The following CD48 variants were observed in gnomAD, a reference collection of about 807,000 sequenced individuals.
The protein encoded by CD48 is CD48 molecule.
Under a neutral mutation model 22.0 loss-of-function variants are expected in CD48, and 20 were observed. That is an observed-to-expected ratio of 0.91 (90% CI 0.64 to 1.32). CD48 has a LOEUF of 1.32. Ranked by LOEUF, CD48 falls within the 40% of genes most tolerant of loss-of-function variation. CD48 has a pLI of 0.00. For missense variants in CD48, 307 were observed against 286.5 expected (o/e 1.07, Z -0.52); for synonymous variants, 110 against 110.1 (o/e 1.00, Z 0.01).
intron 2 of CD48, chr1:160,684,334 C>T: frequency 6.2e-6 from 1 of 162,230 alleles, no homozygotes; most frequent in Non-Finnish European, 1.3e-5. Flanking sequence ...TTTTTCAAGG[C>T]TGCACAGCTA....
chr1:160,703,771 A>G (rs1433591582), intron 1 of CD48, among the ~76,000 whole-genome samples: 1 of 152,156 alleles, frequency 6.6e-6, no homozygotes, highest in East Asian at 1.9e-4. Flanking sequence ...ACATCTGAGT[A>G]AAGACTTGGA....
intron 1 of CD48, among the ~76,000 whole-genome samples, chr1:160,688,288 T>C (rs1037220319): frequency 1.3e-5 from 2 of 152,192 alleles, no homozygotes; most frequent in Non-Finnish European, 2.9e-5. Flanking sequence ...AACAAATCTC[T>C]TAGATCTTTT....
At chr1:160,687,069 T>G (rs1420429535) in intron 1 of CD48, among the ~76,000 whole-genome samples, 4 of 152,140 alleles carry the variant, frequency 2.6e-5, no homozygotes, top group African/African-American at 9.7e-5. Context: ...CAGGAGCACC[T>G]GGGGGTGCTG....
At chr1:160,686,919 C>T (rs1322259400) in intron 1 of CD48, among the ~76,000 whole-genome samples, 1 of 152,158 alleles carries the variant, frequency 6.6e-6, no homozygotes, top group Non-Finnish European at 1.5e-5. Context: ...TCATTGATAA[C>T]ATCTTATCAG....
intron 2 of CD48, 90 bp downstream of exon 2, chr1:160,684,797 C>G (rs371865169): frequency 3.1e-6 from 5 of 1,613,638 alleles, no homozygotes; most frequent in South Asian, 1.1e-5. Flanking sequence ...TCCTCCTCCC[C>G]GAGAGTGCCC....
intron 1 of CD48, among the ~76,000 whole-genome samples, chr1:160,698,316 G>A (rs539062327): frequency 3.3e-4 from 50 of 152,252 alleles, no homozygotes; most frequent in Non-Finnish European, 5.3e-4. Context: ...TCCACGGACC[G>A]ACCGTGGGAG....
At position 160,710,774 on chromosome 1, in the gene CD48, T is replaced by G. The variant is rs528319332; in HGVS notation, c.82+908A>C. Among the ~76,000 whole-genome samples the G allele has an allele frequency of 6.6e-5, 10 of 152,304 alleles. 1 individual carries two copies. In the South Asian group the frequency reaches 2.1e-3, roughly 32 times the overall value. On this transcript the variant is annotated intron_variant, in intron 1 of 3. Coordinates refer to ENST00000368046, the MANE Select transcript of CD48 (RefSeq NM_001778.4). ...GGTAGAATATGTGAGAGACCGATCC[T>G]CCACACATTCTACCTCATCTCCCCA...
intron 1 of CD48, 62 bp downstream of exon 1, chr1:160,711,620 C>T: frequency 7.8e-7 from 1 of 1,278,474 alleles, no homozygotes; most frequent in South Asian, 1.2e-5. Context: ...ATCCCGTCTC[C>T]CCTTTCCCAA....
chr1:160,700,589 C>A (rs1662596494), intron 1 of CD48, among the ~76,000 whole-genome samples: 1 of 152,126 alleles, frequency 6.6e-6, no homozygotes, highest in Non-Finnish European at 1.5e-5. Context: ...GATAACTGGG[C>A]AGTCTGGATT....
chr1:160,704,626 G>A (rs980803782), intron 1 of CD48, among the ~76,000 whole-genome samples: 33 of 152,144 alleles, frequency 2.2e-4, no homozygotes, highest in African/African-American at 8.0e-4. Flanking sequence ...AAGCACGAAG[G>A]CATTTAATTA....
chr1:160,684,795 C>T (rs1387158263), intron 2 of CD48, 92 bp downstream of exon 2: 2 of 1,613,792 alleles, frequency 1.2e-6, no homozygotes, highest in Non-Finnish European at 1.7e-6. Flanking sequence ...TCTCCTCCTC[C>T]CCGAGAGTGC....
chr1:160,706,079 A>G (rs1170642879), intron 1 of CD48, among the ~76,000 whole-genome samples: 1 of 151,944 alleles, frequency 6.6e-6, no homozygotes, highest in East Asian at 1.9e-4. Context: ...TCACTTATAT[A>G]TATATAATTT....
At chr1:160,709,168 G>A (rs768276003) in intron 1 of CD48, among the ~76,000 whole-genome samples, 4 of 143,164 alleles carry the variant, frequency 2.8e-5, no homozygotes, top group Admixed American at 7.0e-5. Flanking sequence ...AATACATAGC[G>A]GAAACAGAGA....
At chr1:160,706,404 G>A (rs1662797258) in intron 1 of CD48, among the ~76,000 whole-genome samples, 1 of 152,184 alleles carries the variant, frequency 6.6e-6, no homozygotes, top group South Asian at 2.1e-4. Flanking sequence ...GCTGATGACA[G>A]GTAAGCATAC....
intron 1 of CD48, chr1:160,691,784 G>A: frequency 5.4e-6 from 2 of 369,040 alleles, no homozygotes; most frequent in Non-Finnish European, 9.6e-6. Context: ...CTTTTCTCTG[G>A]GGTGAAGGTA....
chr1:160,697,869 A>T (rs1456080106), intron 1 of CD48, among the ~76,000 whole-genome samples: 1 of 152,148 alleles, frequency 6.6e-6, no homozygotes, highest in Non-Finnish European at 1.5e-5. Context: ...CCAGCTGTTG[A>T]TAGCGACTTA....
chr1:160,710,816 A>G (rs567579889), intron 1 of CD48, among the ~76,000 whole-genome samples: 20 of 152,332 alleles, frequency 1.3e-4, no homozygotes, highest in South Asian at 4.1e-4. Flanking sequence ...ACAAACTATC[A>G]TCATTTTATG....
At chr1:160,695,348 TTGAC>T (rs1662379111) in intron 1 of CD48, among the ~76,000 whole-genome samples, 1 of 152,288 alleles carries the variant, frequency 6.6e-6, no homozygotes, top group Non-Finnish European at 1.5e-5. Context: ...GATAAATTAA[TTGAC>T]TGTTATACAT....
chr1:160,709,533 C>T (rs1662889968), intron 1 of CD48, among the ~76,000 whole-genome samples: 1 of 152,184 alleles, frequency 6.6e-6, no homozygotes, highest in African/African-American at 2.4e-5. Context: ...ACTCTGTCTA[C>T]TTCATCCTGC....
Sources: allele counts gnomAD v4.1 joint callset (sites outside exome capture counted in the v4.1 genomes callset), GRCh38; gene constraint gnomAD v4.1.1; transcripts MANE v1.5; gene names NCBI Gene and HGNC (gene_info 2026-07-23, HGNC 2026-07-21).